KPNA4: variants seen among roughly 807,000 people sequenced by gnomAD.
KPNA4 encodes importin subunit alpha-3.
A neutral mutation model predicts 71.3 loss-of-function variants in KPNA4; 13 were observed. The observed-to-expected ratio is 0.18, with a 90% confidence interval of 0.12 to 0.29. The LOEUF (loss-of-function observed/expected upper bound fraction) is 0.29, where lower values mean the gene tolerates loss of function less well. Among genes scored for constraint, KPNA4 ranks in the 10% least tolerant of loss-of-function variants. The pLI is 1.00. For missense variants in KPNA4, 334 were observed against 603.2 expected, an observed-to-expected ratio of 0.55 and a Z score of 4.67; for synonymous variants, 189 against 195.2, an observed-to-expected ratio of 0.97 and a Z score of 0.26.
Position 160,535,837 on chromosome 3 carries a change from C to T in KPNA4, c.175G>A (p.Asp59Asn). ...RNVPHEDICE[D>N]SDIDGDYRVQ... ...CTATAATCACCATCTATATCAGAGT[C>T]TTCACAGATATCTTCATGTGGTACA... is the stretch of plus-strand genomic sequence containing the variant. Residue 59 changes from aspartate to asparagine, a missense_variant, in exon 3 of 17, where the codon GAC becomes AAC. Asp to Asn is a conservative substitution (Grantham distance 23, BLOSUM62 1). Transcript: ENST00000334256. 8.1e-7 allele frequency: 1 copy of T among 1,231,766 alleles called. No homozygotes were observed. Among genetic ancestry groups the T allele is most frequent in the Non-Finnish European group, 1.0e-6 (1 of 967,800 alleles). 76.3% of individuals were successfully genotyped at this position (1,231,766 alleles called of 1,614,324 possible). A position where few individuals can be genotyped will look rare whatever the true frequency, so the allele number is the denominator to read the frequency against.
At chr3:160,513,343 C>A (rs761492241) in intron 13 of KPNA4, among the ~76,000 whole-genome samples, 1 of 144,848 alleles carries the variant, frequency 6.9e-6, no homozygotes, top group Non-Finnish European at 1.5e-5. Context: ...ACAGCCTCAA[C>A]CTCCCGGATT....
intron 13 of KPNA4, among the ~76,000 whole-genome samples, chr3:160,511,349 C>T (rs1721090120): frequency 6.6e-6 from 1 of 152,104 alleles, no homozygotes; most frequent in Admixed American, 6.6e-5. Context: ...TCATGATCTG[C>T]CCGCCTCAGC....
At chr3:160,556,205 C>A (rs910353760) in intron 1 of KPNA4, among the ~76,000 whole-genome samples, 1 of 152,206 alleles carries the variant, frequency 6.6e-6, no homozygotes, top group Admixed American at 6.5e-5. Context: ...TTTGTGCAGA[C>A]ATTATGTTTG....
At chr3:160,511,163 T>C (rs1252168382) in intron 13 of KPNA4, among the ~76,000 whole-genome samples, 1 of 151,884 alleles carries the variant, frequency 6.6e-6, no homozygotes, top group Non-Finnish European at 1.5e-5. Flanking sequence ...TGGAGTGCAG[T>C]GGCGCAATCT....
At chr3:160,562,653 G>A (rs561809212) in intron 1 of KPNA4, among the ~76,000 whole-genome samples, 1 of 152,320 alleles carries the variant, frequency 6.6e-6, no homozygotes, top group Non-Finnish European at 1.5e-5. Context: ...GTAAGTCACA[G>A]TGTGGACAAA....
intron 16 of KPNA4, among the ~76,000 whole-genome samples, chr3:160,502,430 G>A (rs1354193295): frequency 1.3e-5 from 2 of 151,770 alleles, no homozygotes; most frequent in Non-Finnish European, 2.9e-5. Flanking sequence ...GAGATGAGTA[G>A]CACAAACATA....
chr3:160,541,649 GCACACACACACACACACACACA>G (rs60806533), intron 1 of KPNA4, among the ~76,000 whole-genome samples: 1 of 146,648 alleles, frequency 6.8e-6, no homozygotes, highest in Non-Finnish European at 1.5e-5. Flanking sequence ...TTATATACGC[GCACACACACACACACACACACA>G]CACACACACA....
intron 11 of KPNA4, among the ~76,000 whole-genome samples, chr3:160,517,301 C>T (rs1721250138): frequency 6.6e-6 from 1 of 152,012 alleles, no homozygotes; most frequent in Admixed American, 6.5e-5. Flanking sequence ...ATACTTTGTT[C>T]CTTTTCATGA....
intron 15 of KPNA4, among the ~76,000 whole-genome samples, chr3:160,507,598 C>A (rs7633758): frequency 2.2e-4 from 33 of 151,016 alleles, no homozygotes; most frequent in African/African-American, 8.0e-4. Context: ...GATTCAGCAA[C>A]ACTGAACTAC....
intron 1 of KPNA4, 115 bp downstream of exon 1, chr3:160,565,099 C>A: frequency 3.6e-6 from 3 of 835,602 alleles, no homozygotes; most frequent in Non-Finnish European, 5.9e-6. Flanking sequence ...GCCCCTAGCG[C>A]CATTCCCCGA....
chr3:160,532,468 G>A (rs1184020816), intron 5 of KPNA4, among the ~76,000 whole-genome samples: 1 of 152,208 alleles, frequency 6.6e-6, no homozygotes, highest in African/African-American at 2.4e-5. Context: ...AATAAGCACA[G>A]CAACTGATAG....
chr3:160,532,085 C>T (rs1721587368), intron 5 of KPNA4, among the ~76,000 whole-genome samples: 1 of 152,224 alleles, frequency 6.6e-6, no homozygotes, highest in Non-Finnish European at 1.5e-5. Context: ...AGCCACGGAG[C>T]CTGGCCACTT....
At chr3:160,548,581 G>A (rs146090308) in intron 1 of KPNA4, among the ~76,000 whole-genome samples, 12 of 152,072 alleles carry the variant, frequency 7.9e-5, no homozygotes, top group Non-Finnish European at 1.5e-4. Flanking sequence ...GGCATATTTC[G>A]CTTGGCATAA....
intron 5 of KPNA4, among the ~76,000 whole-genome samples, chr3:160,535,194 G>A (rs1721663008): frequency 6.6e-6 from 1 of 152,080 alleles, no homozygotes; most frequent in Non-Finnish European, 1.5e-5. Context: ...AAAAGGTAAA[G>A]CTTTACAAAT....
At chr3:160,513,406 C>T (rs569675491) in intron 13 of KPNA4, among the ~76,000 whole-genome samples, 1 of 151,526 alleles carries the variant, frequency 6.6e-6, no homozygotes, top group East Asian at 1.9e-4. Flanking sequence ...CAGGCGCATG[C>T]TACCACACCA....
At chr3:160,509,201 A>T (rs1721044503) in intron 14 of KPNA4, among the ~76,000 whole-genome samples, 2 of 152,188 alleles carry the variant, frequency 1.3e-5, no homozygotes, top group Non-Finnish European at 2.9e-5. Context: ...TTTCCTAGGC[A>T]TCTTACATTC....
intron 1 of KPNA4, among the ~76,000 whole-genome samples, chr3:160,549,623 T>C (rs183849784): frequency 3.9e-5 from 6 of 152,336 alleles, no homozygotes; most frequent in African/African-American, 9.6e-5. Flanking sequence ...TCTGTTCCAC[T>C]GTTTATGTCT....
intron 1 of KPNA4, among the ~76,000 whole-genome samples, chr3:160,560,812 A>T (rs763768228): frequency 6.6e-6 from 1 of 152,060 alleles, no homozygotes; most frequent in African/African-American, 2.4e-5. Context: ...ATTCCTAACT[A>T]TATTTCTATC....
chr3:160,552,977 ATTTAC>A (rs1722070741), intron 1 of KPNA4, among the ~76,000 whole-genome samples: 1 of 152,022 alleles, frequency 6.6e-6, no homozygotes, highest in Non-Finnish European at 1.5e-5. Flanking sequence ...GTGAGAATTG[ATTTAC>A]TTTATTATTA....
Sources: allele counts gnomAD v4.1 joint callset (sites outside exome capture counted in the v4.1 genomes callset), GRCh38; gene constraint gnomAD v4.1.1; transcripts MANE v1.5; gene names NCBI Gene and HGNC (gene_info 2026-07-23, HGNC 2026-07-21).